COL4A5: variants seen among roughly 807,000 people sequenced by gnomAD.
COL4A5 encodes collagen alpha-5(IV) chain.
COL4A5 carries 26 observed loss-of-function variants against 130.2 expected under a neutral mutation model. The ratio of observed to expected loss-of-function variants is 0.20; its 90% CI spans 0.15 to 0.28. The LOEUF (loss-of-function observed/expected upper bound fraction) is 0.28, where lower values mean the gene tolerates loss of function less well. Ranked by LOEUF, COL4A5 falls within the 10% of genes least tolerant of loss-of-function variation. The pLI, the probability that COL4A5 is intolerant of heterozygous loss-of-function variation, is 1.00. For synonymous variants in COL4A5, 496 were observed against 439.6 expected, an observed-to-expected ratio of 1.13 and a Z score of -1.60; for missense variants, 1,131 against 1,344.3, an observed-to-expected ratio of 0.84 and a Z score of 2.48.
intron 1 of COL4A5, among the ~76,000 whole-genome samples, chrX:108,531,455 A>G (rs1308057912): frequency 9.1e-6 from 1 of 110,417 alleles, no homozygotes; most frequent in Non-Finnish European, 1.9e-5. Context: ...CAGCAAAAAT[A>G]GTGCTATGAG....
At chrX:108,452,989 A>C (rs937363368) in intron 1 of COL4A5, among the ~76,000 whole-genome samples, 1 of 110,672 alleles carries the variant, frequency 9.0e-6, no homozygotes, top group Non-Finnish European at 1.9e-5. Flanking sequence ...TATTATTTTG[A>C]GATACATCCC....
chrX:108,672,143 GTTC>G (rs1480725617), intron 42 of COL4A5, among the ~76,000 whole-genome samples: 1 of 111,911 alleles, frequency 8.9e-6, no homozygotes. Flanking sequence ...TGCTTCTTGT[GTTC>G]TTCTTAAATG....
At chrX:108,598,210 A>G (rs1387420434) in intron 24 of COL4A5, among the ~76,000 whole-genome samples, 3 of 111,172 alleles carry the variant, frequency 2.7e-5, no homozygotes, top group African/African-American at 9.8e-5. Context: ...AAATAAATAA[A>G]TAAATAAATA....
intron 2 of COL4A5, among the ~76,000 whole-genome samples, chrX:108,546,424 T>C (rs1182459475): frequency 8.9e-6 from 1 of 112,094 alleles, no homozygotes; most frequent in Non-Finnish European, 1.9e-5. Context: ...TTTAAGAATG[T>C]TGAATATTGG....
rs181918431 is a variant in COL4A5, at chrX:108,633,873, A to G, written c.3246+7524A>G. The stretch of plus-strand genomic sequence containing the variant: ...ATAAAAGTTTTTTTAGCTCAGTTCT[A>G]TTAGGTACAGGTGATCTTTGCTTTT... On this transcript the variant is annotated intron_variant, in intron 36 of 52. Transcript: ENST00000328300. 4.5e-5 allele frequency among the ~76,000 whole-genome samples: 5 copies of G among 111,921 alleles called. No individual in the cohort carries two copies. The East Asian group carries it at 8.4e-4, about 19-fold the overall frequency.
chrX:108,475,457 A>G (rs2064823363), intron 1 of COL4A5, among the ~76,000 whole-genome samples: 1 of 111,577 alleles, frequency 9.0e-6, no homozygotes, highest in Non-Finnish European at 1.9e-5. Context: ...TAGGACCTCC[A>G]ATATAATATT....
intron 37 of COL4A5, among the ~76,000 whole-genome samples, chrX:108,662,603 C>G (rs2067984720): frequency 9.0e-6 from 1 of 111,613 alleles, no homozygotes; most frequent in Non-Finnish European, 1.9e-5. Flanking sequence ...TGAGTGAACT[C>G]CCATTCACAA....
intron 1 of COL4A5, among the ~76,000 whole-genome samples, chrX:108,511,454 A>G (rs1462963358): frequency 8.9e-6 from 1 of 112,000 alleles, no homozygotes; most frequent in African/African-American, 3.2e-5. Context: ...CAGAAATATG[A>G]GAAGCTGACC....
chrX:108,612,389 T>C (rs970956387), intron 29 of COL4A5, among the ~76,000 whole-genome samples: 1 of 111,575 alleles, frequency 9.0e-6, no homozygotes, highest in Non-Finnish European at 1.9e-5. Flanking sequence ...CATGGTTTTA[T>C]ACTTAGAAAA....
At chrX:108,531,625 A>G (rs893412268) in intron 1 of COL4A5, among the ~76,000 whole-genome samples, 12 of 110,915 alleles carry the variant, frequency 1.1e-4, no homozygotes, top group African/African-American at 3.9e-4. Context: ...CTAAACAGAG[A>G]CTACAAAAGC....
chrX:108,600,548 G>C (rs1266691218), intron 25 of COL4A5, among the ~76,000 whole-genome samples: 1 of 110,594 alleles, frequency 9.0e-6, no homozygotes, highest in Non-Finnish European at 1.9e-5. Context: ...ATGCTCTTTT[G>C]GCCTACATTT....
intron 1 of COL4A5, among the ~76,000 whole-genome samples, chrX:108,535,453 T>G (rs2065443100): frequency 9.0e-6 from 1 of 111,573 alleles, no homozygotes; most frequent in Non-Finnish European, 1.9e-5. Context: ...GGCATGTTTT[T>G]TCTACGTAGA....
intron 1 of COL4A5, among the ~76,000 whole-genome samples, chrX:108,508,528 A>C (rs193060363): frequency 4.2e-3 from 434 of 104,518 alleles, no homozygotes; most frequent in Non-Finnish European, 7.4e-3. Flanking sequence ...GCAGAACTAG[A>C]AAAAACTAGT....
At chrX:108,651,424 C>G (rs2067726598) in intron 36 of COL4A5, among the ~76,000 whole-genome samples, 1 of 111,539 alleles carries the variant, frequency 9.0e-6, no homozygotes, top group African/African-American at 3.3e-5. Context: ...TTTTAGTTGT[C>G]TTTAAATTAC....
At chrX:108,681,694 T>A in intron 46 of COL4A5, 66 bp from the exon 47 acceptor site, 1 of 1,202,946 alleles carries the variant, frequency 8.3e-7, no homozygotes, top group Non-Finnish European at 1.1e-6. Flanking sequence ...TGAACTTAGG[T>A]CACTTTGGCT....
At chrX:108,607,881 G>A (rs2066763209) in intron 29 of COL4A5, among the ~76,000 whole-genome samples, 1 of 111,361 alleles carries the variant, frequency 9.0e-6, no homozygotes. Context: ...GTATCCTGAA[G>A]ATCACTCCAT....
intron 36 of COL4A5, among the ~76,000 whole-genome samples, chrX:108,649,305 C>G (rs188796325): frequency 5.0e-4 from 56 of 111,988 alleles, no homozygotes; most frequent in Middle Eastern, 4.6e-3. Context: ...TGGGTAGAAT[C>G]AATATTGTGA....
chrX:108,562,923 C>G (rs927460765), intron 3 of COL4A5, among the ~76,000 whole-genome samples: 2 of 111,543 alleles, frequency 1.8e-5, no homozygotes, highest in Admixed American at 9.6e-5. Flanking sequence ...CCCTGAGTTA[C>G]CCACACACAC....
rs2065867324 is a variant in COL4A5, at chrX:108,559,046, A to G, written c.142-18A>G. On this transcript the variant is annotated intron_variant, in intron 2 of 52. Coordinates refer to ENST00000328300, the MANE Select transcript of COL4A5 (RefSeq NM_033380.3). ...AAATTCACAAATGACCTTACCTTTC[A>G]TTCTCATTTAATTGCAGGGAGAGAG... is the stretch of plus-strand genomic sequence containing the variant. 1.7e-6 allele frequency: 2 copies of G among 1,176,583 alleles called. No individual in the cohort carries two copies. Among genetic ancestry groups the G allele is most frequent in the Admixed American group, 4.4e-5 (2 of 45,699 alleles).
Sources: gnomAD v4.1 joint callset for allele counts (sites outside exome capture counted in the v4.1 genomes callset) on GRCh38, gnomAD v4.1.1 for gene constraint, MANE v1.5 for transcripts, NCBI Gene and HGNC (gene_info 2026-07-23, HGNC 2026-07-21) for gene names.